Variants in MAP4 observed in about 807,000 individuals in gnomAD.
The protein encoded by MAP4 is microtubule associated protein 4.
A neutral mutation model predicts 170.2 loss-of-function variants in MAP4; 76 were observed. The observed-to-expected ratio is 0.45, with a 90% confidence interval of 0.37 to 0.54. The LOEUF is 0.54. MAP4 is among the 20% of genes least tolerant of loss of function. The pLI is 0.00. For missense variants in MAP4, 2,506 were observed against 2,748.0 expected, an observed-to-expected ratio of 0.91 and a Z score of 1.97; for synonymous variants, 909 against 994.5, an observed-to-expected ratio of 0.91 and a Z score of 1.62.
intron 2 of MAP4, among the ~76,000 whole-genome samples, chr3:47,997,195 A>G (rs1055185475): frequency 6.6e-6 from 1 of 151,906 alleles, no homozygotes; most frequent in Non-Finnish European, 1.5e-5. Flanking sequence ...GGCAGAAGAA[A>G]TATTTTAAAA....
In MAP4 at chr3:47,852,762, G is replaced by C. The variant is rs1362019726; in HGVS notation, c.*172C>G. 2 of 1,543,912 alleles carry C rather than the reference G, an allele frequency of 1.3e-6. No homozygotes were observed. The highest frequency in any genetic ancestry group is 3.9e-5 in the Admixed American group (2 of 50,810). ...GGAGGGAAGGCGAGCCTAGCGGGCT[G>C]CCCAGCACGGCGCCCAAGCGCTCAC... On this transcript the variant is annotated 3_prime_UTR_variant, in exon 21 of 21. Coordinates refer to ENST00000683076, the MANE Select transcript of MAP4 (RefSeq NM_001385682.1).
intron 19 of MAP4, among the ~76,000 whole-genome samples, chr3:47,853,719 C>G (rs1381732719): frequency 2.0e-5 from 3 of 152,214 alleles, no homozygotes; most frequent in Non-Finnish European, 2.9e-5. Context: ...CTGAAGGGTA[C>G]AGCCCACCCT....
intron 3 of MAP4, among the ~76,000 whole-genome samples, chr3:47,942,225 G>A (rs2100056961): frequency 6.6e-6 from 1 of 152,128 alleles, no homozygotes. Context: ...ATCTCATTAA[G>A]AGCTAAACTT....
intron 10 of MAP4, among the ~76,000 whole-genome samples, chr3:47,886,157 C>T (rs571523890): frequency 3.3e-5 from 5 of 152,290 alleles, no homozygotes; most frequent in East Asian, 1.9e-4. Flanking sequence ...TTCATAAAGT[C>T]GCATTGTCTA....
intron 3 of MAP4, among the ~76,000 whole-genome samples, chr3:47,971,000 A>G (rs2100078377): frequency 6.6e-6 from 1 of 152,214 alleles, no homozygotes; most frequent in South Asian, 2.1e-4. Context: ...ATGGAGTCCT[A>G]AACACTCTAA....
At chr3:47,947,290 C>G (rs1213517120) in intron 3 of MAP4, among the ~76,000 whole-genome samples, 1 of 152,188 alleles carries the variant, frequency 6.6e-6, no homozygotes, top group Non-Finnish European at 1.5e-5. Flanking sequence ...GGGTTTTCCA[C>G]TCCCTTTTTA....
Position 47,918,789 on chromosome 3 carries a change from G to T in MAP4, c.582C>A (p.Ala194=). The T allele has an allele frequency of 6.2e-7, 1 of 1,611,470 alleles. No homozygotes were observed. The highest frequency in any genetic ancestry group is 1.3e-5 in the African/African-American group (1 of 74,984). ...AGGACTCTGAGTGTGGAGAGTTTAA[G>T]GCTTCCACAGACCACCCCTGAGGTA... ...AVVPQGWSVE[A]LNSPHSESFV... Residue 194 remains alanine (A), a synonymous_variant, in exon 6 of 21, where the codon GCC becomes GCA. Transcript: ENST00000683076.
intron 1 of MAP4, among the ~76,000 whole-genome samples, chr3:48,078,273 A>G (rs35689209): frequency 0.61 from 91,206 of 150,362 alleles, 28,798 homozygotes; most frequent in East Asian, 0.71. Context: ...GCCTCCCAAG[A>G]GTCTGGGACT....
At chr3:47,926,890 C>T (rs2100046309) in intron 4 of MAP4, among the ~76,000 whole-genome samples, 3 of 152,154 alleles carry the variant, frequency 2.0e-5, no homozygotes, top group Non-Finnish European at 2.9e-5. Flanking sequence ...ATTGGCCAGG[C>T]GCAGTGGCTC....
intron 1 of MAP4, among the ~76,000 whole-genome samples, chr3:48,083,939 G>T (rs1392938743): frequency 1.3e-5 from 2 of 151,270 alleles, no homozygotes; most frequent in Non-Finnish European, 1.5e-5. Flanking sequence ...TGGCCAGGCT[G>T]GTCTCGAACT....
rs781777848 is a variant in MAP4 at position 47,853,377 on chromosome 3, A to C, written c.6697-25T>G. On this transcript the variant is annotated intron_variant, in intron 19 of 20. Transcript: ENST00000683076. The stretch of plus-strand genomic sequence containing the variant: ...TCTACAATGAAACAGTGGGGGAGAC[A>C]GTGCAGGGTCAGTCGAGGGGGGGAG... 1.9e-6 allele frequency: 3 copies of C among 1,555,160 alleles called. No homozygotes were observed. In the East Asian group the frequency reaches 6.9e-5, roughly 36 times the overall value.
At chr3:48,012,006 C>T (rs547549111) in intron 1 of MAP4, among the ~76,000 whole-genome samples, 1 of 152,140 alleles carries the variant, frequency 6.6e-6, no homozygotes. Context: ...ATCCTGAGAT[C>T]GGATTAAGAA....
At chr3:47,975,159 A>G in intron 3 of MAP4, 1 of 1,162,146 alleles carries the variant, frequency 8.6e-7, no homozygotes. Context: ...AAAACAAGAA[A>G]TAAAAGACAT....
intron 2 of MAP4, among the ~76,000 whole-genome samples, chr3:47,984,557 C>T (rs1215914879): frequency 2.0e-5 from 3 of 151,810 alleles, no homozygotes; most frequent in South Asian, 2.1e-4. Context: ...AGAGGCTGGG[C>T]GTGGTGGCTC....
intron 3 of MAP4, chr3:47,974,204 T>A (rs1050584662): frequency 1.3e-5 from 9 of 703,162 alleles, no homozygotes; most frequent in African/African-American, 1.9e-5. Flanking sequence ...GGCGGGTGGA[T>A]CACTTGAGAT....
intron 9 of MAP4, among the ~76,000 whole-genome samples, chr3:47,905,077 G>A (rs1359655011): frequency 6.6e-6 from 1 of 152,138 alleles, no homozygotes; most frequent in Non-Finnish European, 1.5e-5. Flanking sequence ...TAGCAATATG[G>A]GGGCAGGGCA....
intron 2 of MAP4, among the ~76,000 whole-genome samples, chr3:47,990,073 G>C (rs2100091209): frequency 6.6e-6 from 1 of 152,124 alleles, no homozygotes; most frequent in South Asian, 2.1e-4. Flanking sequence ...AGTCAGCCTT[G>C]GGCAAAACAG....
At chr3:47,879,625 T>C (rs2096292594) in intron 10 of MAP4, among the ~76,000 whole-genome samples, 1 of 152,162 alleles carries the variant, frequency 6.6e-6, no homozygotes, top group Admixed American at 6.5e-5. Flanking sequence ...TGTGTGTGTG[T>C]GTGTTTGTGT....
chr3:48,003,962 C>T lies in MAP4; in HGVS notation c.-19-5083G>A, dbSNP rs144417416. Among the ~76,000 whole-genome samples the T allele has an allele frequency of 4.2e-3, 638 of 152,278 alleles. 5 individuals carry two copies. The highest frequency in any genetic ancestry group is 0.014 in the African/African-American group (602 of 41,572). Reference sequence around the variant, plus strand: ...TTCTGCCCTCGAACATCGGACTCCACGTTCTTCAGTTTTGGGACTTGGACT... The same window carrying T: ...TTCTGCCCTCGAACATCGGACTCCATGTTCTTCAGTTTTGGGACTTGGACT... On this transcript the variant is annotated intron_variant, in intron 1 of 20. Transcript: ENST00000683076.
Sources: allele counts gnomAD v4.1 joint callset (sites outside exome capture counted in the v4.1 genomes callset), GRCh38; gene constraint gnomAD v4.1.1; transcripts MANE v1.5; gene names NCBI Gene and HGNC (gene_info 2026-07-23, HGNC 2026-07-21).